The following TENT5B variants were observed in gnomAD, a reference collection of about 807,000 sequenced individuals.
TENT5B encodes terminal nucleotidyltransferase 5B, also known as family with sequence similarity 46 member B.
In TENT5B, 12 loss-of-function variants were observed where a neutral mutation model predicts 21.7. The observed-to-expected ratio is 0.55, with a 90% confidence interval of 0.36 to 0.90. TENT5B has a LOEUF of 0.90. TENT5B is among the 40% of genes least tolerant of loss of function. The pLI is 0.01. For missense variants in TENT5B, 540 were observed against 601.5 expected, an observed-to-expected ratio of 0.90 and a Z score of 1.07; for synonymous variants, 262 against 266.6, an observed-to-expected ratio of 0.98 and a Z score of 0.17.
At chr1:27,007,197 T>C (rs550625792) in intron 1 of TENT5B, among the ~76,000 whole-genome samples, 1 of 151,984 alleles carries the variant, frequency 6.6e-6, no homozygotes, top group South Asian at 2.1e-4. Flanking sequence ...TCAGGAAGAA[T>C]AGCAATGATA....
chr1:27,010,375 A>C (rs2082618087), intron 1 of TENT5B, among the ~76,000 whole-genome samples: 3 of 152,148 alleles, frequency 2.0e-5, no homozygotes, highest in Non-Finnish European at 4.4e-5. Context: ...ACAACTCAGC[A>C]GCAGTGAAAA....
Position 27,012,450 on chromosome 1 carries a change from C to CCG in TENT5B, c.219_220dup (p.Gly74AlafsTer7), listed in dbSNP as rs1301701601. ...CTGCACGCTCAGCGTGGGGAAGTTG[C>CCG]CGCGCCCGTGAATGGGAATCGGCTC... is the stretch of plus-strand genomic sequence containing the variant. On this transcript the variant is annotated frameshift_variant, in exon 1 of 2. Coordinates refer to ENST00000289166, the MANE Select transcript of TENT5B (RefSeq NM_052943.4). LOFTEE classifies it high-confidence loss of function. The CCG allele has an allele frequency of 6.2e-7, 1 of 1,612,844 alleles. No individual in the cohort carries two copies. The highest frequency in any genetic ancestry group is 8.5e-7 in the Non-Finnish European group (1 of 1,179,818).
At chr1:27,008,840 G>T (rs1321165981) in intron 1 of TENT5B, among the ~76,000 whole-genome samples, 1 of 151,600 alleles carries the variant, frequency 6.6e-6, no homozygotes, top group Non-Finnish European at 1.5e-5. Context: ...GACCTCAGGT[G>T]ATCCACCTGC....
Position 27,006,742 on chromosome 1 carries a change from G to A in TENT5B, c.480C>T (p.Ser160=). ...GTGTCAGTGGCGTGATCTTGGCCCG[G>A]CTCACACCGGCCGGCAGGAAGTCTA... The part of the protein sequence containing the change: ...CLLDFLPAGV[S]RAKITPLTLK... Residue 160 remains serine (S), a synonymous_variant, in exon 2 of 2, where the codon AGC becomes AGT. Coordinates refer to ENST00000289166, the MANE Select transcript of TENT5B (RefSeq NM_052943.4). This position sits in a 1 kb window ranked among gnomAD's most constrained non-coding sequence, Gnocchi z 9.4. The A allele has an allele frequency of 6.2e-7, 1 of 1,613,902 alleles. No individual in the cohort carries two copies. Among genetic ancestry groups the A allele is most frequent in the South Asian group, 1.1e-5 (1 of 91,074 alleles).
At position 27,006,465 on chromosome 1, in the gene TENT5B, C is replaced by A. The variant is rs1284412986; in HGVS notation, c.757G>T (p.Asp253Tyr). The A allele has an allele frequency of 1.9e-6, 3 of 1,613,924 alleles. No individual in the cohort carries two copies. The highest frequency in any genetic ancestry group is 2.5e-6 in the Non-Finnish European group (3 of 1,179,972). Residue 253 changes from aspartate (D) to tyrosine (Y), a missense_variant, in exon 2 of 2, where the codon GAC (aspartate) becomes TAC (tyrosine). Physicochemically the swap from Asp to Tyr is radical, Grantham distance 160 (BLOSUM62 -3). Transcript: ENST00000289166. This position sits in a 1 kb window ranked among gnomAD's most constrained non-coding sequence, Gnocchi z 9.4. The stretch of plus-strand genomic sequence containing the variant: ...AGGTGCTCCAGGGCCTCGGTGAAGT[C>A]CCCGTACAGGCTTTCGCCTGTGACC... ...PTVTGESLYG[D>Y]FTEALEHLRH...
chr1:27,006,506 T>G lies in TENT5B; in HGVS notation c.716A>C (p.Glu239Ala). 6.2e-7 allele frequency: 1 copy of G among 1,614,040 alleles called. No homozygotes were observed. Among genetic ancestry groups the G allele is most frequent in the Non-Finnish European group, 8.5e-7 (1 of 1,180,004 alleles). ...GCCTGTGACCGTTGGGTGGAAGGCC[T>G]CAGACATGGGAGTGGACGAGCACTG... ...FGQCSSTPMS[E>A]AFHPTVTGES... is the part of the protein sequence containing the mutation. The change falls in exon 2 of 2, where the codon GAG becomes GCG. Residue 239 changes from glutamate to alanine, a missense_variant. Glu to Ala is a moderately radical substitution (Grantham distance 107). Transcript: ENST00000289166. The surrounding 1 kb of genome is among the most constrained non-coding windows in gnomAD (Gnocchi z 9.4).
Position 27,005,906 on chromosome 1 carries a change from G to GT in TENT5B, c.*37dup. The stretch of plus-strand genomic sequence containing the variant: ...ACTCTTGGAGGCCCCACCCCACCCC[G>GT]TGAGGCCCAGTCCCTTCCCTTCTGG... On this transcript the variant is annotated 3_prime_UTR_variant, in exon 2 of 2. Transcript: ENST00000289166. 1.3e-6 allele frequency: 2 copies of GT among 1,515,342 alleles called. No homozygotes were observed. The highest frequency in any genetic ancestry group is 3.6e-4 in the Middle Eastern group (2 of 5,492). The allele number at this position is 1,515,342 out of a possible 1,614,324, so 93.9% of individuals were successfully genotyped here.
intron 1 of TENT5B, among the ~76,000 whole-genome samples, chr1:27,009,799 G>A (rs1365240121): frequency 1.3e-5 from 2 of 152,238 alleles, no homozygotes; most frequent in Admixed American, 6.5e-5. Context: ...AATCCCCTGC[G>A]TCAGGGCCAT....
chr1:27,008,850 C>T (rs1407970140), intron 1 of TENT5B, among the ~76,000 whole-genome samples: 1 of 151,048 alleles, frequency 6.6e-6, no homozygotes, highest in East Asian at 1.9e-4. Context: ...GATCCACCTG[C>T]CGCAGCTTCC....
chr1:27,012,384 T>C (rs1369533878), intron 1 of TENT5B, 23 bp downstream of exon 1: 1 of 1,604,308 alleles, frequency 6.2e-7, no homozygotes, highest in Middle Eastern at 1.7e-4. Flanking sequence ...TTCCCCCACA[T>C]CCCCCGCCTG....
rs371768390 is a variant in TENT5B, at chr1:27,006,740, C to T, written c.482G>A (p.Arg161Gln). ...GAGTGTCAGTGGCGTGATCTTGGCC[C>T]GGCTCACACCGGCCGGCAGGAAGTC... ...LLDFLPAGVS[R>Q]AKITPLTLKE... is the part of the protein sequence containing the mutation. The change falls in exon 2 of 2, where the codon CGG (arginine) becomes CAG (glutamine). Residue 161 changes from arginine (R) to glutamine (Q), a missense_variant. Transcript: ENST00000289166. The surrounding 1 kb of genome is among the most constrained non-coding windows in gnomAD (Gnocchi z 9.4). 9.9e-5 allele frequency: 159 copies of T among 1,613,972 alleles called. 1 individual carries two copies. The highest frequency in any genetic ancestry group is 9.0e-4 in the South Asian group (82 of 91,080).
chr1:27,005,803 G>A lies in TENT5B; in HGVS notation c.*141C>T. 1 of 1,188,792 alleles carries A rather than the reference G, an allele frequency of 8.4e-7. No homozygotes were observed. Among genetic ancestry groups the A allele is most frequent in the Middle Eastern group, 3.0e-4 (1 of 3,334 alleles). The allele number at this position is 1,188,792 out of a possible 1,614,324, so 73.6% of individuals were successfully genotyped here. ...GGGGCCTCGTGCTCGGGAAAGTCTG[G>A]TCTGTTCAATCAAAGGCCCAACCCT... is the stretch of plus-strand genomic sequence containing the variant. On this transcript the variant is annotated 3_prime_UTR_variant, in exon 2 of 2. Transcript: ENST00000289166.
In TENT5B at chr1:27,007,533, AG is replaced by A. The variant is rs569040208; in HGVS notation, c.265-577del. On this transcript the variant is annotated intron_variant, in intron 1 of 1. Coordinates refer to ENST00000289166, the MANE Select transcript of TENT5B (RefSeq NM_052943.4). ...CAGCCTCCCGAGTAGTTGGGATTAC[AG>A]GGGCCTGCCACTGTGCCCGGCTAAT... is the stretch of plus-strand genomic sequence containing the variant. Among the ~76,000 whole-genome samples the A allele has an allele frequency of 2.6e-3, 400 of 151,944 alleles. 4 individuals are homozygous for A. Among genetic ancestry groups the A allele is most frequent in the Non-Finnish European group, 3.2e-3 (215 of 67,974 alleles).
At chr1:27,011,315 C>T (rs2082622891) in intron 1 of TENT5B, among the ~76,000 whole-genome samples, 1 of 152,158 alleles carries the variant, frequency 6.6e-6, no homozygotes. Context: ...AGGGGAAAGG[C>T]CTACTTCATC....
Position 27,006,598 on chromosome 1 carries a change from C to T in TENT5B, c.624G>A (p.Val208=). The T allele has an allele frequency of 6.2e-7, 1 of 1,614,190 alleles. No individual in the cohort carries two copies. Among genetic ancestry groups the T allele is most frequent in the Non-Finnish European group, 8.5e-7 (1 of 1,180,036 alleles). ...KNVELKFVDS[V]RRQFEFSIDS... Reference sequence around the variant, plus strand: ...CTATGCTGAATTCAAACTGGCGTCTCACCGAGTCCACAAACTTGAGCTCCA... The same window carrying T: ...CTATGCTGAATTCAAACTGGCGTCTTACCGAGTCCACAAACTTGAGCTCCA... The change falls in exon 2 of 2, where the codon GTG becomes GTA. Residue 208 remains valine, a synonymous_variant. Transcript: ENST00000289166. This position sits in a 1 kb window ranked among gnomAD's most constrained non-coding sequence, Gnocchi z 9.4.
At position 27,005,570 on chromosome 1, in the gene TENT5B, C is replaced by T; in HGVS notation, c.*374G>A. On this transcript the variant is annotated 3_prime_UTR_variant, in exon 2 of 2. Transcript: ENST00000289166. Reference sequence around the variant, plus strand: ...GCTGCTGGGATCACCACAGGCTGGCCTTAGTCAAAAAGACCCTCTTAGACC... The same window carrying T: ...GCTGCTGGGATCACCACAGGCTGGCTTTAGTCAAAAAGACCCTCTTAGACC... 1 of 216,708 alleles carries T rather than the reference C, an allele frequency of 4.6e-6. No individual in the cohort carries two copies. The allele number at this position is 216,708 out of a possible 1,614,324, so 13.4% of individuals were successfully genotyped here.
chr1:27,012,736 A>G lies in TENT5B; in HGVS notation c.-66T>C, dbSNP rs1396037388. On this transcript the variant is annotated 5_prime_UTR_variant, in exon 1 of 2. Transcript: ENST00000289166. ...TGGTTAAGGGGAGGAGGACAGGGAGAGCGGCTGGGCAGGGGCCAAGGCGGG... is the reference window on the plus strand; with the variant it reads ...TGGTTAAGGGGAGGAGGACAGGGAGGGCGGCTGGGCAGGGGCCAAGGCGGG... The G allele has an allele frequency of 1.4e-6, 2 of 1,399,590 alleles. No homozygotes were observed. Among genetic ancestry groups the G allele is most frequent in the African/African-American group, 3.1e-5 (2 of 65,010 alleles). 86.7% of individuals were successfully genotyped at this position (1,399,590 alleles called of 1,614,324 possible).
chr1:27,012,528 T>G lies in TENT5B; in HGVS notation c.143A>C (p.His48Pro), dbSNP rs1455268965. The G allele has an allele frequency of 6.2e-7, 1 of 1,604,528 alleles. No homozygotes were observed. Among genetic ancestry groups the G allele is most frequent in the South Asian group, 1.1e-5 (1 of 90,516 alleles). The change falls in exon 1 of 2, where the codon CAC becomes CCC. Residue 48 changes from histidine to proline, a missense_variant. Physicochemically the swap from His to Pro is moderately conservative, Grantham distance 77. Coordinates refer to ENST00000289166, the MANE Select transcript of TENT5B (RefSeq NM_052943.4). ...CTGTGGCCAGCTCAGCCCACTCAGG[T>G]GCCGTCCGGGGAAGGCCGATAAGGC... The part of the protein sequence containing the change: ...PEALSAFPGR[H>P]LSGLSWPQVK...
chr1:27,008,973 C>A (rs148230024), intron 1 of TENT5B, among the ~76,000 whole-genome samples: 25 of 123,624 alleles, frequency 2.0e-4, no homozygotes, highest in African/African-American at 5.3e-4. Context: ...TTTCCTCCAT[C>A]CTTCTTTTTT....
Sources: allele counts gnomAD v4.1 joint callset (sites outside exome capture counted in the v4.1 genomes callset), GRCh38; gene constraint gnomAD v4.1.1; non-coding constraint Gnocchi (gnomAD v3.1); transcripts MANE v1.5; gene names NCBI Gene and HGNC (gene_info 2026-07-23, HGNC 2026-07-21).